Variants in COL5A2 observed in about 807,000 individuals in gnomAD.
COL5A2 encodes the protein collagen alpha-2(V) chain.
A neutral mutation model predicts 208.2 loss-of-function variants in COL5A2; 23 were observed. The ratio of observed to expected loss-of-function variants is 0.11; its 90% CI spans 0.08 to 0.16. COL5A2 has a LOEUF of 0.16. Among genes scored for constraint, COL5A2 ranks in the 10% least tolerant of loss-of-function variants. COL5A2 has a pLI of 1.00. For missense variants in COL5A2, 1,590 were observed against 1,956.4 expected, an observed-to-expected ratio of 0.81 and a Z score of 3.53; for synonymous variants, 625 against 628.5, an observed-to-expected ratio of 0.99 and a Z score of 0.08.
the COL5A2 span, among the ~76,000 whole-genome samples, chr2:189,402,594 A>G: frequency 6.6e-6 from 1 of 152,218 alleles, no homozygotes; most frequent in Non-Finnish European, 1.5e-5. Context: ...GAAGGGGTCC[A>G]GTTTCAATTT....
chr2:189,080,839 T>C (rs1352933590), intron 13 of COL5A2, 151 bp downstream of exon 13: 14 of 680,496 alleles, frequency 2.1e-5, no homozygotes, highest in African/African-American at 5.4e-5. Flanking sequence ...TATTAAAAAA[T>C]TGTGATTTCA....
the COL5A2 span, among the ~76,000 whole-genome samples, chr2:189,236,924 T>TA: frequency 6.6e-6 from 1 of 151,862 alleles, no homozygotes; most frequent in East Asian, 1.9e-4. Context: ...GTATCTTGTT[T>TA]AAACAGTATG....
the COL5A2 span, among the ~76,000 whole-genome samples, chr2:189,299,493 G>T: frequency 6.6e-6 from 1 of 152,114 alleles, no homozygotes; most frequent in Non-Finnish European, 1.5e-5. Flanking sequence ...TCAACATTCT[G>T]CCTATAATTC....
the COL5A2 span, among the ~76,000 whole-genome samples, chr2:189,288,650 C>G: frequency 6.6e-6 from 1 of 152,044 alleles, no homozygotes; most frequent in Non-Finnish European, 1.5e-5. Context: ...AGAACAAATA[C>G]CTATCCTTCT....
At chr2:189,201,214 T>C (rs1689064348) in intron 1 of COL5A2, among the ~76,000 whole-genome samples, 1 of 151,988 alleles carries the variant, frequency 6.6e-6, no homozygotes, top group African/African-American at 2.4e-5. Context: ...TGTTGGAAAG[T>C]TTAACAATAC....
At position 189,063,254 on chromosome 2, in the gene COL5A2, T is replaced by C. The variant is rs768939237; in HGVS notation, c.1787A>G (p.Asp596Gly). ...GGAGCCTGGAGGACCTGGACGGCCA[T>C]CTTCCCCTGGCGCACCCTATAGAAT... is the stretch of plus-strand genomic sequence containing the variant. ...KLGPLGAPGE[D>G]GRPGPPGSIG... The change falls in exon 27 of 54, where the codon GAT becomes GGT. Residue 596 changes from aspartate to glycine, a missense_variant. Coordinates refer to ENST00000374866, the MANE Select transcript of COL5A2 (RefSeq NM_000393.5). The C allele has an allele frequency of 1.9e-6, 3 of 1,614,030 alleles. No individual in the cohort carries two copies. The highest frequency in any genetic ancestry group is 2.5e-6 in the Non-Finnish European group (3 of 1,179,998).
chr2:189,210,301 T>G (rs1689195731), intron 1 of COL5A2, among the ~76,000 whole-genome samples: 1 of 152,052 alleles, frequency 6.6e-6, no homozygotes, highest in African/African-American at 2.4e-5. Flanking sequence ...TCCCCAAGAT[T>G]GATTATGCTC....
intron 33 of COL5A2, among the ~76,000 whole-genome samples, chr2:189,058,073 A>C (rs1389438057): frequency 6.6e-6 from 1 of 152,242 alleles, no homozygotes; most frequent in African/African-American, 2.4e-5. Flanking sequence ...AAAATGGAGC[A>C]TATTATTAGA....
chr2:189,202,970 AT>A (rs1035159863), intron 1 of COL5A2, among the ~76,000 whole-genome samples: 1 of 152,112 alleles, frequency 6.6e-6, no homozygotes, highest in African/African-American at 2.4e-5. Context: ...TCCTCTAAGT[AT>A]TTTTTCCTAT....
the COL5A2 span, among the ~76,000 whole-genome samples, chr2:189,422,544 G>T: frequency 8.5e-5 from 13 of 152,198 alleles, no homozygotes; most frequent in African/African-American, 1.4e-4. Flanking sequence ...TACTATTTAG[G>T]TCAACTGAAC....
At chr2:189,433,724 T>A in the COL5A2 span, among the ~76,000 whole-genome samples, 1 of 152,090 alleles carries the variant, frequency 6.6e-6, no homozygotes, top group Non-Finnish European at 1.5e-5. Flanking sequence ...CAGGACCAGA[T>A]GGATTCACAG....
At chr2:189,186,573 G>A (rs537833538) in intron 1 of COL5A2, among the ~76,000 whole-genome samples, 11 of 152,262 alleles carry the variant, frequency 7.2e-5, no homozygotes, top group African/African-American at 1.9e-4. Context: ...CAAATTGCAC[G>A]TCAAGGAATG....
the COL5A2 span, among the ~76,000 whole-genome samples, chr2:189,422,942 G>A: frequency 7.9e-5 from 12 of 150,956 alleles, no homozygotes; most frequent in Non-Finnish European, 1.8e-4. Context: ...AGAATTGCTT[G>A]AACCTGGGAG....
the COL5A2 span, among the ~76,000 whole-genome samples, chr2:189,233,282 T>A: frequency 1.3e-5 from 2 of 151,792 alleles, no homozygotes; most frequent in Non-Finnish European, 2.9e-5. Flanking sequence ...TAAACAGGGT[T>A]TTAAATGCTT....
upstream of COL5A2, chr2:189,179,806 G>A: frequency 1.3e-6 from 1 of 741,864 alleles, no homozygotes; most frequent in South Asian, 1.8e-5. Flanking sequence ...GAAGAATGCT[G>A]CCTCCACTTC....
At chr2:189,267,647 C>T in the COL5A2 span, among the ~76,000 whole-genome samples, 5 of 152,022 alleles carry the variant, frequency 3.3e-5, no homozygotes, top group Admixed American at 2.0e-4. Flanking sequence ...GGGGTTGATG[C>T]CTGAGACTGG....
the COL5A2 span, among the ~76,000 whole-genome samples, chr2:189,295,771 T>G: frequency 6.6e-6 from 1 of 152,224 alleles, no homozygotes; most frequent in Non-Finnish European, 1.5e-5. Context: ...GAGTTAAACT[T>G]AAATTCCGTG....
At chr2:189,205,822 G>C (rs1689136892) in intron 1 of COL5A2, among the ~76,000 whole-genome samples, 1 of 152,056 alleles carries the variant, frequency 6.6e-6, no homozygotes, top group Non-Finnish European at 1.5e-5. Context: ...TTATGAATTA[G>C]AAGTTTGTAT....
intron 45 of COL5A2, 99 bp from the exon 46 acceptor site, chr2:189,046,006 A>G (rs974451447): frequency 3.2e-6 from 3 of 951,298 alleles, no homozygotes; most frequent in Non-Finnish European, 4.8e-6. Flanking sequence ...AATGGGAAAA[A>G]ATACCCTTTA....
Sources: allele counts gnomAD v4.1 joint callset (sites outside exome capture counted in the v4.1 genomes callset), GRCh38; gene constraint gnomAD v4.1.1; transcripts MANE v1.5; gene names NCBI Gene and HGNC (gene_info 2026-07-23, HGNC 2026-07-21).